Variants in STPG2 observed in about 807,000 individuals in gnomAD.
STPG2 encodes the protein sperm tail PG-rich repeat containing 2.
In STPG2, 56 loss-of-function variants were observed where a neutral mutation model predicts 54.2. The ratio of observed to expected loss-of-function variants is 1.03; its 90% CI spans 0.83 to 1.29. STPG2 has a LOEUF of 1.29. STPG2 is among the 50% of genes most tolerant of loss of function. The pLI, the probability that STPG2 is intolerant of heterozygous loss-of-function variation, is 0.00. For missense variants in STPG2, 596 were observed against 544.9 expected, an observed-to-expected ratio of 1.09 and a Z score of -0.93; for synonymous variants, 200 against 181.8, an observed-to-expected ratio of 1.10 and a Z score of -0.81.
intron 10 of STPG2, among the ~76,000 whole-genome samples, chr4:97,560,908 C>T (rs986806344): frequency 6.6e-6 from 1 of 152,164 alleles, no homozygotes; most frequent in African/African-American, 2.4e-5. Flanking sequence ...CCCCAATAAA[C>T]GTACATGTGC....
intron 10 of STPG2, among the ~76,000 whole-genome samples, chr4:97,711,302 C>T (rs1724110180): frequency 6.6e-6 from 1 of 152,022 alleles, no homozygotes; most frequent in Non-Finnish European, 1.5e-5. Flanking sequence ...ACTTAAAGAC[C>T]TTCCCTCACT....
chr4:98,106,648 A>G (rs889584230), intron 4 of STPG2, among the ~76,000 whole-genome samples: 1 of 152,162 alleles, frequency 6.6e-6, no homozygotes, highest in Non-Finnish European at 1.5e-5. Context: ...ACCTTATGCA[A>G]ACTAACTTCT....
At position 97,816,489 on chromosome 4, in the gene STPG2, T is replaced by G. The variant is rs144586296; in HGVS notation, c.1204+24284A>C. 8.2e-3 allele frequency among the ~76,000 whole-genome samples: 1,242 copies of G among 152,292 alleles called. 22 individuals are homozygous for G. The highest frequency in any genetic ancestry group is 0.014 in the Admixed American group (219 of 15,284). ...CCACAATGGTTGAGCAAATTTACAC[T>G]CCCACCAACAGTGTAAAAGCATTCC... On this transcript the variant is annotated intron_variant, in intron 9 of 10. Coordinates refer to ENST00000295268, the MANE Select transcript of STPG2 (RefSeq NM_174952.3).
intron 7 of STPG2, among the ~76,000 whole-genome samples, chr4:97,954,511 C>T (rs1733594531): frequency 6.6e-6 from 1 of 152,004 alleles, no homozygotes; most frequent in Non-Finnish European, 1.5e-5. Flanking sequence ...CAGTGTGAAG[C>T]TAAAAATCTA....
chr4:97,914,066 C>T (rs969776129), intron 8 of STPG2, among the ~76,000 whole-genome samples: 1 of 152,156 alleles, frequency 6.6e-6, no homozygotes, highest in Non-Finnish European at 1.5e-5. Flanking sequence ...TAGACCTACA[C>T]ATGCAATACA....
At chr4:97,748,731 G>A (rs1367724344) in intron 9 of STPG2, among the ~76,000 whole-genome samples, 1 of 151,418 alleles carries the variant, frequency 6.6e-6, no homozygotes, top group East Asian at 1.9e-4. Context: ...TTTATCTATG[G>A]ACACTAAGAT....
intron 9 of STPG2, among the ~76,000 whole-genome samples, chr4:97,797,008 G>C (rs1472687461): frequency 1.3e-5 from 2 of 152,130 alleles, no homozygotes; most frequent in African/African-American, 4.8e-5. Flanking sequence ...TGGTGTATAA[G>C]AATGCTTGTG....
chr4:97,835,726 A>G (rs546005568), intron 9 of STPG2, among the ~76,000 whole-genome samples: 1 of 152,252 alleles, frequency 6.6e-6, no homozygotes, highest in South Asian at 2.1e-4. Context: ...ACCTTCTGGA[A>G]AGGCTATACC....
intron 10 of STPG2, among the ~76,000 whole-genome samples, chr4:97,705,389 G>C (rs143713032): frequency 6.6e-6 from 1 of 151,516 alleles, no homozygotes; most frequent in Non-Finnish European, 1.5e-5. Flanking sequence ...GCAGTGGCGC[G>C]ATCTCGGCTC....
At chr4:97,668,495 T>C (rs1722591747) in intron 10 of STPG2, among the ~76,000 whole-genome samples, 1 of 152,104 alleles carries the variant, frequency 6.6e-6, no homozygotes. Context: ...GAGAAGCCTG[T>C]GCAGTAACCC....
chr4:97,903,927 C>T lies in STPG2; in HGVS notation c.1044+39970G>A, dbSNP rs186696920. On this transcript the variant is annotated intron_variant, in intron 8 of 10. Transcript: ENST00000295268. ...AATGGCGCACCACGAGATTATATTC[C>T]GCACCTGGCTCAGAGAGTCCTACGC... 5.5e-4 allele frequency among the ~76,000 whole-genome samples: 84 copies of T among 152,310 alleles called. 1 individual carries two copies. In the East Asian group the frequency reaches 0.012, roughly 21 times the overall value.
chr4:98,140,183 A>G (rs2110172986), intron 1 of STPG2, among the ~76,000 whole-genome samples: 1 of 152,332 alleles, frequency 6.6e-6, no homozygotes, highest in South Asian at 2.1e-4. Context: ...GCAGATACAG[A>G]GGCACAGAGG....
chr4:97,511,325 T>C (rs1730967381), intron 4 of STPG2, among the ~76,000 whole-genome samples: 1 of 151,926 alleles, frequency 6.6e-6, no homozygotes, highest in East Asian at 1.9e-4. Flanking sequence ...AATATCTGAT[T>C]AAGAAGAATT....
intron 8 of STPG2, among the ~76,000 whole-genome samples, chr4:97,937,576 T>C (rs1390114122): frequency 1.3e-5 from 2 of 152,214 alleles, no homozygotes; most frequent in Non-Finnish European, 1.5e-5. Context: ...GGAACTTTTT[T>C]GTTGATGCTG....
chr4:97,486,315 C>G (rs935122928), intron 4 of STPG2, among the ~76,000 whole-genome samples: 1 of 151,620 alleles, frequency 6.6e-6, no homozygotes, highest in Non-Finnish European at 1.5e-5. Flanking sequence ...TTAACTCAAA[C>G]AAATCAGCAA....
At chr4:97,875,116 G>C (rs1391811863) in intron 8 of STPG2, among the ~76,000 whole-genome samples, 1 of 151,892 alleles carries the variant, frequency 6.6e-6, no homozygotes, top group South Asian at 2.1e-4. Context: ...CCAGTTTTTG[G>C]TTAATAATAA....
At chr4:97,813,429 T>C (rs143827182) in intron 9 of STPG2, among the ~76,000 whole-genome samples, 2,758 of 152,098 alleles carry the variant, frequency 0.018, 32 homozygotes, top group Non-Finnish European at 0.027. Context: ...CTTACTATGC[T>C]ATGGGTACTA....
chr4:97,885,405 T>C (rs144691578), intron 8 of STPG2, among the ~76,000 whole-genome samples: 1 of 152,324 alleles, frequency 6.6e-6, no homozygotes, highest in Admixed American at 6.5e-5. Context: ...AAATATCACG[T>C]GTTACCATAG....
chr4:97,704,648 A>G (rs1314485301), intron 10 of STPG2, among the ~76,000 whole-genome samples: 1 of 152,232 alleles, frequency 6.6e-6, no homozygotes, highest in Non-Finnish European at 1.5e-5. Context: ...GTAATGTGCC[A>G]TGACCTTTAC....
Sources: allele counts gnomAD v4.1 joint callset (sites outside exome capture counted in the v4.1 genomes callset), GRCh38; gene constraint gnomAD v4.1.1; transcripts MANE v1.5; gene names NCBI Gene and HGNC (gene_info 2026-07-23, HGNC 2026-07-21).